SNX29: variants seen among roughly 807,000 people sequenced by gnomAD.
SNX29 encodes the protein sorting nexin-29.
In SNX29, 78 loss-of-function variants were observed where a neutral mutation model predicts 102.1. That is an observed-to-expected ratio of 0.76 (90% CI 0.64 to 0.92). The LOEUF (loss-of-function observed/expected upper bound fraction) is 0.92, where lower values mean the gene tolerates loss of function less well. SNX29 is among the 40% of genes least tolerant of loss of function. The pLI is 0.00. For missense variants in SNX29, 1,280 were observed against 1,061.7 expected, an observed-to-expected ratio of 1.21 and a Z score of -2.86; for synonymous variants, 580 against 414.5, an observed-to-expected ratio of 1.40 and a Z score of -4.85.
chr16:12,123,211 C>T (rs1044692361), intron 11 of SNX29, among the ~76,000 whole-genome samples: 2 of 152,258 alleles, frequency 1.3e-5, no homozygotes, highest in African/African-American at 2.4e-5. Context: ...CTCTGTATTT[C>T]GTTATGACTA....
At chr16:12,328,899 G>C (rs1393517918) in intron 15 of SNX29, among the ~76,000 whole-genome samples, 2 of 152,036 alleles carry the variant, frequency 1.3e-5, no homozygotes, top group South Asian at 2.1e-4. Context: ...TGTGATGTCG[G>C]GACACTGTCT....
At chr16:12,492,072 AT>A (rs2088578269) in intron 19 of SNX29, among the ~76,000 whole-genome samples, 1 of 152,184 alleles carries the variant, frequency 6.6e-6, no homozygotes. Context: ...GTCAGATGGT[AT>A]TTCCAGTTCT....
chr16:12,343,152 A>AC (rs1295735513), intron 15 of SNX29, among the ~76,000 whole-genome samples: 12 of 152,200 alleles, frequency 7.9e-5, no homozygotes, highest in African/African-American at 2.9e-4. Flanking sequence ...AAAAACGCAC[A>AC]CCAGCCTCCA....
chr16:12,361,178 T>TG (rs1363445562), intron 16 of SNX29, among the ~76,000 whole-genome samples: 1 of 151,918 alleles, frequency 6.6e-6, no homozygotes, highest in Non-Finnish European at 1.5e-5. Flanking sequence ...CCAGTGTGAG[T>TG]GGGGTAGGTC....
chr16:12,354,443 A>T (rs1470588383), intron 15 of SNX29, among the ~76,000 whole-genome samples: 2 of 152,236 alleles, frequency 1.3e-5, no homozygotes, highest in Admixed American at 1.3e-4. Flanking sequence ...GGTAAACACA[A>T]CTTGGATCTG....
intron 2 of SNX29, among the ~76,000 whole-genome samples, chr16:12,001,824 C>T (rs1440733058): frequency 2.6e-5 from 4 of 151,996 alleles, no homozygotes; most frequent in Admixed American, 6.6e-5. Flanking sequence ...GTGAGACCAG[C>T]CTGGGCAACA....
intron 18 of SNX29, among the ~76,000 whole-genome samples, chr16:12,418,535 G>C (rs1402518396): frequency 7.1e-6 from 1 of 140,852 alleles, no homozygotes; most frequent in African/African-American, 2.7e-5. Flanking sequence ...TTTTTTTTGA[G>C]ATGGAGTCTC....
chr16:12,411,113 G>C (rs2084380866), intron 18 of SNX29, among the ~76,000 whole-genome samples: 1 of 152,196 alleles, frequency 6.6e-6, no homozygotes, highest in South Asian at 2.1e-4. Flanking sequence ...CTCTGCCTTA[G>C]CAGATACCAT....
At chr16:11,995,313 G>A (rs534873042) in intron 1 of SNX29, among the ~76,000 whole-genome samples, 2 of 152,190 alleles carry the variant, frequency 1.3e-5, no homozygotes, top group South Asian at 2.1e-4. Context: ...TGATCCGTCC[G>A]CTTTGGCCCC....
intron 19 of SNX29, among the ~76,000 whole-genome samples, chr16:12,518,006 A>G (rs1460961503): frequency 1.3e-5 from 2 of 152,114 alleles, no homozygotes; most frequent in Admixed American, 1.3e-4. Context: ...GGTGGGAGGT[A>G]CTGGGGAGAA....
At chr16:12,248,203 A>G (rs576908450) in intron 14 of SNX29, among the ~76,000 whole-genome samples, 87 of 152,158 alleles carry the variant, frequency 5.7e-4, no homozygotes, top group African/African-American at 1.9e-3. Flanking sequence ...GAACACAATC[A>G]TATCCTGAGC....
intron 14 of SNX29, among the ~76,000 whole-genome samples, chr16:12,258,821 G>C (rs563659690): frequency 1.1e-4 from 17 of 152,286 alleles, no homozygotes; most frequent in African/African-American, 3.1e-4. Flanking sequence ...CCAGTGTGGA[G>C]AGCGTTGTTA....
At chr16:12,564,746 T>G (rs2078920836) in intron 20 of SNX29, among the ~76,000 whole-genome samples, 1 of 152,132 alleles carries the variant, frequency 6.6e-6, no homozygotes, top group Admixed American at 6.5e-5. Context: ...GCCTAACAAC[T>G]GTCTGCTTCT....
Position 12,571,641 on chromosome 16 carries a change from G to A in SNX29, c.*3012G>A. 5 of 1,059,036 alleles carry A rather than the reference G, an allele frequency of 4.7e-6. No individual in the cohort carries two copies. Among genetic ancestry groups the A allele is most frequent in the Non-Finnish European group, 5.7e-6 (5 of 875,448 alleles). 65.6% of individuals were successfully genotyped at this position (1,059,036 alleles called of 1,614,324 possible). On this transcript the variant is annotated 3_prime_UTR_variant, in exon 21 of 21. Coordinates refer to ENST00000566228, the MANE Select transcript of SNX29 (RefSeq NM_032167.5). ...TCACATCTTTTTTTCTCCCCCAGAT[G>A]AAAGACGACTCAGGAACGGTAGGGC...
intron 16 of SNX29, among the ~76,000 whole-genome samples, chr16:12,366,560 G>A (rs530889257): frequency 3.3e-5 from 5 of 152,258 alleles, no homozygotes; most frequent in Middle Eastern, 3.4e-3. Flanking sequence ...GCCTGCCTGT[G>A]TTTAGTCCCA....
intron 16 of SNX29, chr16:12,375,666 A>G (rs958700507): frequency 6.6e-6 from 1 of 152,250 alleles, no homozygotes; most frequent in South Asian, 2.1e-4. Flanking sequence ...AGGCCTCTTC[A>G]CTGCGGCCAA....
At chr16:12,304,855 G>C (rs540144468) in intron 15 of SNX29, among the ~76,000 whole-genome samples, 1 of 152,258 alleles carries the variant, frequency 6.6e-6, no homozygotes, top group African/African-American at 2.4e-5. Flanking sequence ...ATGATTTTAC[G>C]AGAACATTCT....
chr16:12,218,465 A>C (rs2077383976), intron 14 of SNX29, among the ~76,000 whole-genome samples: 1 of 152,228 alleles, frequency 6.6e-6, no homozygotes, highest in African/African-American at 2.4e-5. Context: ...ATATTCATTC[A>C]TTATTTCCAT....
At position 12,422,498 on chromosome 16, in the gene SNX29, G is replaced by A. The variant is rs574116985; in HGVS notation, c.2037+18969G>A. Among the ~76,000 whole-genome samples the A allele has an allele frequency of 7.2e-5, 11 of 152,330 alleles. No individual in the cohort carries two copies. In the South Asian group the frequency reaches 2.3e-3, roughly 32 times the overall value. On this transcript the variant is annotated intron_variant, in intron 18 of 20. Coordinates refer to ENST00000566228, the MANE Select transcript of SNX29 (RefSeq NM_032167.5). ...TCCAAATCCCCTGCTGCAAAAAGCA[G>A]CTTGTTTCCCTCTCAGCTTCTTCTG...
Sources: gnomAD v4.1 joint callset for allele counts (sites outside exome capture counted in the v4.1 genomes callset) on GRCh38, gnomAD v4.1.1 for gene constraint, MANE v1.5 for transcripts, NCBI Gene and HGNC (gene_info 2026-07-23, HGNC 2026-07-21) for gene names.